The following LRRC9 variants were observed in gnomAD, a reference collection of about 807,000 sequenced individuals.
The protein encoded by LRRC9 is leucine rich repeat containing 9.
In LRRC9, 122 loss-of-function variants were observed where a neutral mutation model predicts 63.2. That is an observed-to-expected ratio of 1.93 (90% confidence interval 1.67 to 2.24). The LOEUF is 2.24. LRRC9 is among the 30% of genes most tolerant of loss of function. LRRC9 has a pLI of 0.00. For missense variants in LRRC9, 1,071 were observed against 627.7 expected, an observed-to-expected ratio of 1.71 and a Z score of -7.55; for synonymous variants, 366 against 213.1, an observed-to-expected ratio of 1.72 and a Z score of -6.25.
At chr14:59,953,415 A>T (rs1883385133) in intron 8 of LRRC9, among the ~76,000 whole-genome samples, 1 of 152,160 alleles carries the variant, frequency 6.6e-6, no homozygotes, top group Admixed American at 6.5e-5. Context: ...ACCAGTGATG[A>T]TGAGCTTTTT....
chr14:60,036,864 C>T (rs949021530), intron 29 of LRRC9, among the ~76,000 whole-genome samples: 9 of 152,172 alleles, frequency 5.9e-5, no homozygotes, highest in East Asian at 3.9e-4. Flanking sequence ...GTGCTGCACC[C>T]GTTAACTTGT....
Position 59,942,231 on chromosome 14 carries a change from T to C in LRRC9, c.727-2358T>C, listed in dbSNP as rs1164869857. ...TGATATATATATATTACATTTTCTT[T>C]ATCCATTCACCTGTTGATGGCATTT... On this transcript the variant is annotated intron_variant, in intron 7 of 31. Coordinates refer to ENST00000445360, the Ensembl canonical transcript of LRRC9. The surrounding 1 kb of genome is among the most constrained non-coding windows in gnomAD (Gnocchi z 5.3). Among the ~76,000 whole-genome samples, 3 of 152,296 alleles carry C rather than the reference T, an allele frequency of 2.0e-5. No individual in the cohort carries two copies. In the East Asian group the frequency reaches 5.8e-4, roughly 29 times the overall value.
chr14:59,971,560 G>A (rs1885510878), intron 12 of LRRC9, among the ~76,000 whole-genome samples: 1 of 152,134 alleles, frequency 6.6e-6, no homozygotes, highest in African/African-American at 2.4e-5. Context: ...TCCTGTCCAT[G>A]AGCATGGAAT....
chr14:59,952,916 T>G (rs1404767272), intron 8 of LRRC9, among the ~76,000 whole-genome samples: 1 of 152,188 alleles, frequency 6.6e-6, no homozygotes, highest in Non-Finnish European at 1.5e-5. Flanking sequence ...GTGTTTGGTT[T>G]TCTGTTCCTG....
At chr14:60,055,723 T>A (rs1319978879) in intron 30 of LRRC9, among the ~76,000 whole-genome samples, 12 of 145,746 alleles carry the variant, frequency 8.2e-5, no homozygotes, top group African/African-American at 3.0e-4. Flanking sequence ...CAAAACCTTG[T>A]CTCTATTTAA....
intron 8 of LRRC9, among the ~76,000 whole-genome samples, chr14:59,956,913 T>C (rs1273522556): frequency 6.6e-6 from 1 of 152,216 alleles, no homozygotes; most frequent in Non-Finnish European, 1.5e-5. Context: ...GATACAAAAT[T>C]CTGAGTTGAA....
chr14:60,016,553 G>A (rs1403032750), intron 23 of LRRC9, 107 bp from the exon 24 acceptor site: 6 of 571,722 alleles, frequency 1.0e-5, no homozygotes, highest in African/African-American at 5.6e-5. Flanking sequence ...TACTTAGTAG[G>A]AGGAATCTGG....
intron 29 of LRRC9, among the ~76,000 whole-genome samples, chr14:60,036,028 G>C (rs1022720316): frequency 2.0e-5 from 3 of 152,082 alleles, no homozygotes; most frequent in Non-Finnish European, 4.4e-5. Flanking sequence ...TTCCTGGCTT[G>C]CAGATAGTTG....
chr14:59,960,697 T>C (rs536280553), intron 9 of LRRC9, among the ~76,000 whole-genome samples: 1 of 152,366 alleles, frequency 6.6e-6, no homozygotes, highest in Non-Finnish European at 1.5e-5. Context: ...GATAGTCTTC[T>C]AGCCTTCACA....
At chr14:59,978,446 C>T (rs1178084161) in intron 15 of LRRC9, among the ~76,000 whole-genome samples, 1 of 152,180 alleles carries the variant, frequency 6.6e-6, no homozygotes, top group Admixed American at 6.5e-5. Context: ...CATTCTCTTT[C>T]ACCAGGGAAT....
At chr14:60,059,600 G>A (rs1894521682) in intron 31 of LRRC9, among the ~76,000 whole-genome samples, 1 of 152,220 alleles carries the variant, frequency 6.6e-6, no homozygotes, top group Non-Finnish European at 1.5e-5. Flanking sequence ...TGCTGATATG[G>A]ATAAAGTGGT....
At position 59,931,956 on chromosome 14, in the gene LRRC9, CT is replaced by C. The variant is rs1889741951; in HGVS notation, c.473-12del. The C allele has an allele frequency of 4.3e-6, 3 of 697,292 alleles. No individual in the cohort carries two copies. The highest frequency in any genetic ancestry group is 3.5e-5 in the African/African-American group (2 of 56,996). 43.2% of individuals were successfully genotyped at this position (697,292 alleles called of 1,614,324 possible). Reference sequence around the variant, plus strand: ...GGTAAAATAATTGAATTCTTTTCGTCTATTTTTTAAAGGTCGATGTCTTGAC... The same window carrying C: ...GGTAAAATAATTGAATTCTTTTCGTCATTTTTTAAAGGTCGATGTCTTGAC... On this transcript the variant is annotated splice_polypyrimidine_tract_variant and intron_variant, in intron 5 of 31. Coordinates refer to ENST00000445360, the Ensembl canonical transcript of LRRC9.
At position 60,017,221 on chromosome 14, in the gene LRRC9, T is replaced by G. The variant is rs1404191737; in HGVS notation, c.3317+431T>G. ...TCCTTTGTATGGCATAAAAGACTCT[T>G]TATTATCTGTCCATTATTATCTCTT... On this transcript the variant is annotated intron_variant, in intron 24 of 31. Coordinates refer to ENST00000445360, the Ensembl canonical transcript of LRRC9. This position sits in a 1 kb window ranked among gnomAD's most constrained non-coding sequence, Gnocchi z 4.0. 2.6e-5 allele frequency among the ~76,000 whole-genome samples: 4 copies of G among 152,188 alleles called. No individual in the cohort carries two copies. The highest frequency in any genetic ancestry group is 4.1e-4 in the South Asian group (2 of 4,828).
Position 60,058,088 on chromosome 14 carries a change from A to C in LRRC9, c.4276+66A>C. 2.1e-6 allele frequency: 1 copy of C among 486,160 alleles called. No individual in the cohort carries two copies. Among genetic ancestry groups the C allele is most frequent in the South Asian group, 4.2e-5 (1 of 23,964 alleles). 30.1% of individuals were successfully genotyped at this position (486,160 alleles called of 1,614,324 possible). ...AATTTGAAATAAAAATATCACTTTA[A>C]TTTCTAATAGTACTTAAAATTCCTT... On this transcript the variant is annotated intron_variant, in intron 31 of 31. Coordinates refer to ENST00000445360, the Ensembl canonical transcript of LRRC9. The surrounding 1 kb of genome is among the most constrained non-coding windows in gnomAD (Gnocchi z 4.4).
At chr14:60,039,975 A>T (rs1027765811) in intron 29 of LRRC9, among the ~76,000 whole-genome samples, 1 of 151,770 alleles carries the variant, frequency 6.6e-6, no homozygotes, top group Non-Finnish European at 1.5e-5. Context: ...CTTTGTTCTC[A>T]TTGGTTTCAA....
At chr14:60,009,518 G>T (rs1392912761) in intron 23 of LRRC9, among the ~76,000 whole-genome samples, 1 of 152,142 alleles carries the variant, frequency 6.6e-6, no homozygotes, top group Non-Finnish European at 1.5e-5. Flanking sequence ...CCATGACGTG[G>T]GGATTATTAC....
At chr14:59,937,329 G>A (rs757995021) in intron 6 of LRRC9, among the ~76,000 whole-genome samples, 21 of 151,268 alleles carry the variant, frequency 1.4e-4, no homozygotes, top group Non-Finnish European at 2.4e-4. Flanking sequence ...TTTTTTTGTA[G>A]ACTGGGGACC....
At chr14:60,049,178 T>C (rs1292883595) in intron 29 of LRRC9, among the ~76,000 whole-genome samples, 5 of 152,158 alleles carry the variant, frequency 3.3e-5, no homozygotes, top group Non-Finnish European at 7.4e-5. Flanking sequence ...ACCAATATCA[T>C]ACTGATATTG....
At chr14:60,057,573 C>A in intron 30 of LRRC9, 1 of 182,280 alleles carries the variant, frequency 5.5e-6, no homozygotes, top group Non-Finnish European at 1.1e-5. Context: ...TTCTTATTTC[C>A]ATACTTACCT....
Sources: gnomAD v4.1 joint callset for allele counts (sites outside exome capture counted in the v4.1 genomes callset) on GRCh38, gnomAD v4.1.1 for gene constraint, Gnocchi (gnomAD v3.1) non-coding constraint, MANE v1.5 for transcripts, NCBI Gene and HGNC (gene_info 2026-07-23, HGNC 2026-07-21) for gene names.